HMCN1: variants seen among roughly 807,000 people sequenced by gnomAD.
The protein encoded by HMCN1 is hemicentin-1.
Under a neutral mutation model 625.9 loss-of-function variants are expected in HMCN1, and 321 were observed. The ratio of observed to expected loss-of-function variants is 0.51; its 90% CI spans 0.47 to 0.56. HMCN1 has a LOEUF of 0.56. HMCN1 is among the 20% of genes least tolerant of loss of function. The pLI is 0.00. For synonymous variants in HMCN1, 2,425 were observed against 2,417.6 expected, an observed-to-expected ratio of 1.00 and a Z score of -0.09; for missense variants, 6,588 against 6,887.3, an observed-to-expected ratio of 0.96 and a Z score of 1.54.
intron 13 of HMCN1, among the ~76,000 whole-genome samples, chr1:185,964,730 AC>A (rs1321207085): frequency 6.6e-6 from 1 of 152,070 alleles, no homozygotes; most frequent in African/African-American, 2.4e-5. Flanking sequence ...ACTAATTCAG[AC>A]GGAGGAATTA....
chr1:186,130,358 G>A (rs908352164), intron 84 of HMCN1, 149 bp from the exon 85 acceptor site: 34 of 885,736 alleles, frequency 3.8e-5, no homozygotes, highest in East Asian at 5.3e-5. Context: ...TGGTGATTTA[G>A]CATGAAGAGT....
chr1:185,867,213 C>G (rs2057382), intron 4 of HMCN1, among the ~76,000 whole-genome samples: 41,851 of 151,952 alleles, frequency 0.28, 6,115 homozygotes, highest in African/African-American at 0.33. Context: ...GAGGGTTATG[C>G]CTTAGGTTTA....
Position 186,117,484 on chromosome 1 carries a change from T to A in HMCN1, c.11709T>A (p.Pro3903=). Reference sequence around the variant, plus strand: ...TTCCACCTTCCATAGCTGATGAGCCTACAGATTTCCTAGTAACCAAACATG... The same window carrying A: ...TTCCACCTTCCATAGCTGATGAGCCAACAGATTTCCTAGTAACCAAACATG... ...VQVPPSIADE[P]TDFLVTKHAP... The change falls in exon 77 of 107, where the codon CCT becomes CCA. Residue 3903 remains proline, a synonymous_variant. Transcript: ENST00000271588. 6.2e-7 allele frequency: 1 copy of A among 1,613,874 alleles called. No individual in the cohort carries two copies. The highest frequency in any genetic ancestry group is 8.5e-7 in the Non-Finnish European group (1 of 1,179,818).
intron 1 of HMCN1, among the ~76,000 whole-genome samples, chr1:185,772,954 G>A (rs777278453): frequency 2.6e-5 from 4 of 152,000 alleles, no homozygotes; most frequent in East Asian, 1.9e-4. Flanking sequence ...GCATTAATTC[G>A]TTCATGAGGG....
intron 11 of HMCN1, among the ~76,000 whole-genome samples, chr1:185,949,445 A>G (rs1668526186): frequency 6.6e-6 from 1 of 151,874 alleles, no homozygotes; most frequent in African/African-American, 2.4e-5. Flanking sequence ...GGAAAGTGGT[A>G]AAAGTATTGT....
chr1:186,115,145 G>T (rs978290767), intron 74 of HMCN1, 113 bp from the exon 75 acceptor site: 4 of 1,436,436 alleles, frequency 2.8e-6, no homozygotes. Flanking sequence ...AGTCTTGTTT[G>T]CTCATAACTA....
intron 11 of HMCN1, among the ~76,000 whole-genome samples, chr1:185,945,299 AT>A (rs1668280120): frequency 6.6e-6 from 1 of 152,192 alleles, no homozygotes; most frequent in Admixed American, 6.5e-5. Flanking sequence ...GTAGGAATAT[AT>A]TTTTTCCATA....
intron 46 of HMCN1, among the ~76,000 whole-genome samples, chr1:186,057,789 G>A (rs1571793587): frequency 6.6e-6 from 1 of 151,978 alleles, no homozygotes; most frequent in Non-Finnish European, 1.5e-5. Flanking sequence ...ATATTTCAAT[G>A]TATTCATGAC....
intron 29 of HMCN1, among the ~76,000 whole-genome samples, chr1:186,004,398 C>A (rs572599758): frequency 6.6e-6 from 1 of 151,758 alleles, no homozygotes; most frequent in African/African-American, 2.4e-5. Flanking sequence ...ATATCTAAGG[C>A]CTAAGTAGAA....
At chr1:186,077,157 G>T (rs1358205110) in intron 54 of HMCN1, among the ~76,000 whole-genome samples, 14 of 152,062 alleles carry the variant, frequency 9.2e-5, no homozygotes, top group Non-Finnish European at 2.1e-4. Context: ...AAATTCATCA[G>T]ATTGTACACT....
intron 55 of HMCN1, among the ~76,000 whole-genome samples, chr1:186,080,169 A>C (rs533829517): frequency 1.3e-5 from 2 of 152,296 alleles, no homozygotes; most frequent in Non-Finnish European, 2.9e-5. Flanking sequence ...CGTAGCTTTG[A>C]ATGTGAAAGT....
chr1:185,967,378 G>T (rs1200445286), intron 14 of HMCN1, among the ~76,000 whole-genome samples: 1 of 152,054 alleles, frequency 6.6e-6, no homozygotes, highest in Non-Finnish European at 1.5e-5. Flanking sequence ...AGAGATTCTA[G>T]AATTTACTCT....
chr1:185,738,903 T>C lies in HMCN1; in HGVS notation c.268+3856T>C, dbSNP rs115121542. On this transcript the variant is annotated intron_variant, in intron 1 of 106. Transcript: ENST00000271588. The stretch of plus-strand genomic sequence containing the variant: ...ACTTTCATTTTAGGTTCAGGGGCCA[T>C]ATGTGCAGGCTTGTTACATGGGTAA... Among the ~76,000 whole-genome samples, 1,013 of 152,316 alleles carry C rather than the reference T, an allele frequency of 6.7e-3. 8 individuals are homozygous for C. The highest frequency in any genetic ancestry group is 0.027 in the Middle Eastern group (8 of 294).
Position 186,144,245 on chromosome 1 carries a change from G to C in HMCN1, c.13997G>C (p.Arg4666Thr). Residue 4666 changes from arginine (R) to threonine (T), a missense_variant, in exon 90 of 107, where the codon AGA becomes ACA. By Grantham distance (71) the Arg-to-Thr change is moderately conservative. Around this residue, in one of 3 missense-constraint regions of HMCN1, gnomAD observed 1,954 missense variants for 2,013.1 expected, o/e 0.97. Coordinates refer to ENST00000271588, the MANE Select transcript of HMCN1 (RefSeq NM_031935.3). ...AGTTGTGGGAAAGGTACTCAGACAA[G>C]AGCAAGACTTTGTAATAACCCACCA... ...SESCGKGTQTRARLCNNPPPA... is the reference protein window; with the variant it reads ...SESCGKGTQTTARLCNNPPPA... 1 of 1,613,956 alleles carries C rather than the reference G, an allele frequency of 6.2e-7. No homozygotes were observed. The highest frequency in any genetic ancestry group is 8.5e-7 in the Non-Finnish European group (1 of 1,179,936).
Position 186,086,290 on chromosome 1 carries a change from G to T in HMCN1, c.8929G>T (p.Val2977Leu). The change falls in exon 58 of 107, where the codon GTG (valine) becomes TTG (leucine). Residue 2977 changes from valine (V) to leucine (L), a missense_variant. Transcript: ENST00000271588. ...IGPKSENLTV[V>L]VNNFISLTCE... ...TCCTAAATCTGAAAATCTTACCGTC[G>T]TGGTGAACAATTTCATCTCTTTGAC... The T allele has an allele frequency of 6.2e-7, 1 of 1,613,114 alleles. No individual in the cohort carries two copies. The highest frequency in any genetic ancestry group is 1.1e-5 in the South Asian group (1 of 91,060).
At chr1:185,750,556 A>G (rs564636206) in intron 1 of HMCN1, among the ~76,000 whole-genome samples, 9 of 152,244 alleles carry the variant, frequency 5.9e-5, no homozygotes, top group Admixed American at 1.3e-4. Context: ...TTATCTTTAA[A>G]TATATGGCCA....
chr1:185,806,099 C>A (rs1357453287), intron 1 of HMCN1, among the ~76,000 whole-genome samples: 2 of 151,722 alleles, frequency 1.3e-5, no homozygotes, highest in Non-Finnish European at 2.9e-5. Flanking sequence ...TAATAGGTAA[C>A]TTTTATTAAG....
chr1:186,185,686 T>C (rs1022010590), intron 105 of HMCN1, among the ~76,000 whole-genome samples: 2 of 152,226 alleles, frequency 1.3e-5, no homozygotes, highest in African/African-American at 2.4e-5. Context: ...CCTTAGAAGA[T>C]GTTTGGAGCC....
intron 89 of HMCN1, among the ~76,000 whole-genome samples, chr1:186,140,015 C>G (rs1459014201): frequency 6.6e-6 from 1 of 152,106 alleles, no homozygotes; most frequent in Admixed American, 6.6e-5. Flanking sequence ...AAGAAGAGTA[C>G]AGATAATTAT....
Sources: gnomAD v4.1 joint callset for allele counts (sites outside exome capture counted in the v4.1 genomes callset) on GRCh38, gnomAD v4.1.1 for gene constraint, gnomAD v4.1.1 regional missense constraint, MANE v1.5 for transcripts, NCBI Gene and HGNC (gene_info 2026-07-23, HGNC 2026-07-21) for gene names.